The following SULT1C3 variants were observed in gnomAD, a reference collection of about 807,000 sequenced individuals.
The protein encoded by SULT1C3 is sulfotransferase 1C3.
A neutral mutation model predicts 28.4 loss-of-function variants in SULT1C3; 31 were observed. The ratio of observed to expected loss-of-function variants is 1.09; its 90% CI spans 0.82 to 1.47. SULT1C3 has a LOEUF of 1.47. SULT1C3 is among the 40% of genes most tolerant of loss of function. SULT1C3 has a pLI of 0.00. For synonymous variants in SULT1C3, 106 were observed against 92.2 expected (o/e 1.15, Z -0.86); for missense variants, 307 against 272.5 (o/e 1.13, Z -0.89).
intron 2 of SULT1C3, among the ~76,000 whole-genome samples, chr2:108,250,214 T>A (rs576804106): frequency 6.6e-6 from 1 of 151,520 alleles, no homozygotes; most frequent in South Asian, 2.1e-4. Context: ...TAAAGAACTG[T>A]TACAACTAAG....
chr2:108,260,482 G>A (rs796480527), intron 7 of SULT1C3, 86 bp from the exon 8 acceptor site: 32 of 368,232 alleles, frequency 8.7e-5, no homozygotes, highest in African/African-American at 4.4e-4. Context: ...GGAAAATCAC[G>A]TGGGTAGGCC....
At chr2:108,241,540 A>G (rs1675460342) in intron 1 of SULT1C3, among the ~76,000 whole-genome samples, 1 of 152,246 alleles carries the variant, frequency 6.6e-6, no homozygotes, top group Non-Finnish European at 1.5e-5. Context: ...GGTGCAGTCC[A>G]CTTAGTTAAC....
downstream of SULT1C3, chr2:108,265,275 C>G: frequency 6.2e-7 from 1 of 1,613,806 alleles, no homozygotes; most frequent in Non-Finnish European, 8.5e-7. Context: ...TTTACTGTGG[C>G]CCAAAATGAA....
At chr2:108,253,266 A>C (rs555709504) in intron 3 of SULT1C3, 79 bp from the exon 4 acceptor site, 1 of 916,102 alleles carries the variant, frequency 1.1e-6, no homozygotes, top group African/African-American at 1.7e-5. Flanking sequence ...ATCACTCTAC[A>C]GACAAAGATA....
At chr2:108,265,236 C>T, downstream of SULT1C3, 1 of 1,612,654 alleles carries the variant, frequency 6.2e-7, no homozygotes. Context: ...TGCCTTGTTT[C>T]AGGGATGCCT....
intron 7 of SULT1C3, 113 bp downstream of exon 7, chr2:108,259,259 G>C (rs1278000877): frequency 8.5e-6 from 2 of 234,502 alleles, no homozygotes; most frequent in Non-Finnish European, 1.8e-5. Context: ...GTTAAATTTT[G>C]AATCTCTGCT....
At chr2:108,243,547 C>T (rs552444176) in intron 1 of SULT1C3, among the ~76,000 whole-genome samples, 9 of 151,260 alleles carry the variant, frequency 6.0e-5, no homozygotes, top group East Asian at 3.9e-4. Context: ...AGGAGAACAG[C>T]GTGAACCTGG....
chr2:108,242,334 CTTG>C (rs1269290573), intron 1 of SULT1C3, among the ~76,000 whole-genome samples: 9 of 152,200 alleles, frequency 5.9e-5, no homozygotes, highest in African/African-American at 2.2e-4. Flanking sequence ...AGATTCAGCA[CTTG>C]TTAAGATTTT....
chr2:108,244,595 G>A (rs988746530), intron 1 of SULT1C3, among the ~76,000 whole-genome samples: 2 of 152,088 alleles, frequency 1.3e-5, no homozygotes, highest in African/African-American at 4.8e-5. Flanking sequence ...TACAGTTAGG[G>A]TTTGGCTTAG....
chr2:108,260,022 G>A (rs1657786764), intron 7 of SULT1C3, among the ~76,000 whole-genome samples: 1 of 152,138 alleles, frequency 6.6e-6, no homozygotes, highest in African/African-American at 2.4e-5. Flanking sequence ...TAGAAATAAA[G>A]TACTAGGATA....
chr2:108,259,556 T>C lies in SULT1C3; in HGVS notation c.802+410T>C, dbSNP rs1675965673. ...TGAACACTCATCTTTAGTCTATCCCTGTAGTTCAAAACCCTAGCTAAGCAC... is the reference window on the plus strand; with the variant it reads ...TGAACACTCATCTTTAGTCTATCCCCGTAGTTCAAAACCCTAGCTAAGCAC... On this transcript the variant is annotated intron_variant, in intron 7 of 7. Transcript: ENST00000681802. Among the ~76,000 whole-genome samples, 3 of 152,136 alleles carry C rather than the reference T, an allele frequency of 2.0e-5. No individual in the cohort carries two copies. In the South Asian group the frequency reaches 6.2e-4, roughly 32 times the overall value.
chr2:108,253,061 A>G (rs1369082577), intron 3 of SULT1C3, among the ~76,000 whole-genome samples: 3 of 152,010 alleles, frequency 2.0e-5, no homozygotes, highest in East Asian at 3.9e-4. Flanking sequence ...AAGAGAAAGG[A>G]AAAAAACAAC....
chr2:108,249,109 C>A (rs902496597), intron 2 of SULT1C3, among the ~76,000 whole-genome samples: 12 of 152,166 alleles, frequency 7.9e-5, no homozygotes, highest in African/African-American at 2.9e-4. Flanking sequence ...ATGAGAATGG[C>A]AGCCCTAGCT....
At position 108,259,015 on chromosome 2, in the gene SULT1C3, G is replaced by T. The variant is rs13385082; in HGVS notation, c.671G>T (p.Trp224Leu). ...HKVLEFLEKTWSGDVINKIVH... is the reference protein window; with the variant it reads ...HKVLEFLEKTLSGDVINKIVH... ...GTGTTGGAATTCTTGGAGAAAACTT[G>T]GTCAGGTGATGTTATAAACAAGATT... Residue 224 changes from tryptophan to leucine, a missense_variant, in exon 7 of 8, where the codon TGG becomes TTG. Transcript: ENST00000681802. The T allele has an allele frequency of 0.53, 242,172 of 457,764 alleles. 50,205 individuals carry two copies. The highest frequency in any genetic ancestry group is 0.8 in the East Asian group (28,200 of 35,232). The allele number at this position is 457,764 out of a possible 1,614,324, so 28.4% of individuals were successfully genotyped here. A position where few individuals can be genotyped will look rare whatever the true frequency, so the allele number is the denominator to read the frequency against.
chr2:108,251,411 A>T (rs1015980852), intron 2 of SULT1C3, among the ~76,000 whole-genome samples: 1 of 152,034 alleles, frequency 6.6e-6, no homozygotes, highest in African/African-American at 2.4e-5. Context: ...AAATGGAAAT[A>T]TGGGCCTTTA....
chr2:108,242,568 C>A (rs75104924), intron 1 of SULT1C3, among the ~76,000 whole-genome samples: 4,173 of 152,246 alleles, frequency 0.027, 206 homozygotes, highest in African/African-American at 0.096. Flanking sequence ...CTACTCCTAG[C>A]CGTCCCTTAC....
rs1191022424 is a variant in SULT1C3 at position 108,260,797 on chromosome 2, G to A, written c.*117G>A. On this transcript the variant is annotated 3_prime_UTR_variant, in exon 8 of 8. Coordinates refer to ENST00000681802, the MANE Select transcript of SULT1C3 (RefSeq NM_001320878.2). ...TATGAGCTTCAGTCCATCTCCTATA[G>A]TGTGGCTAGTTTGCTATAATATTAA... 3 of 330,012 alleles carry A rather than the reference G, an allele frequency of 9.1e-6. No homozygotes were observed. Among genetic ancestry groups the A allele is most frequent in the African/African-American group, 4.3e-5 (2 of 46,634 alleles). The allele number at this position is 330,012 out of a possible 1,614,324, so 20.4% of individuals were successfully genotyped here.
chr2:108,247,945 A>T (rs1297654712), intron 2 of SULT1C3, among the ~76,000 whole-genome samples: 2 of 152,192 alleles, frequency 1.3e-5, no homozygotes, highest in East Asian at 3.9e-4. Context: ...AATGCCCAGA[A>T]CTCACTTTCG....
intron 2 of SULT1C3, among the ~76,000 whole-genome samples, chr2:108,249,877 A>G (rs1675686454): frequency 6.6e-6 from 1 of 152,090 alleles, no homozygotes; most frequent in African/African-American, 2.4e-5. Flanking sequence ...TATTGTTGAT[A>G]GACATAAATA....
Sources: allele counts gnomAD v4.1 joint callset (sites outside exome capture counted in the v4.1 genomes callset), GRCh38; gene constraint gnomAD v4.1.1; transcripts MANE v1.5; gene names NCBI Gene and HGNC (gene_info 2026-07-23, HGNC 2026-07-21).